The following TMEM168 variants were observed in gnomAD, a reference collection of about 807,000 sequenced individuals.
TMEM168 encodes the protein transmembrane protein 168.
Under a neutral mutation model 53.2 loss-of-function variants are expected in TMEM168, and 40 were observed. The ratio of observed to expected loss-of-function variants is 0.75; its 90% CI spans 0.58 to 0.98. The LOEUF (loss-of-function observed/expected upper bound fraction) is 0.98. Among genes scored for constraint, TMEM168 ranks in the 50% least tolerant of loss-of-function variants. The pLI, the probability that TMEM168 is intolerant of heterozygous loss-of-function variation, is 0.00. For synonymous variants in TMEM168, 282 were observed against 293.0 expected (o/e 0.96, Z 0.38); for missense variants, 771 against 828.8 (o/e 0.93, Z 0.86).
Position 112,772,839 on chromosome 7 carries a change from A to G in TMEM168, c.1488T>C (p.Asp496=). The G allele has an allele frequency of 3.1e-6, 5 of 1,614,072 alleles. No individual in the cohort carries two copies. Among genetic ancestry groups the G allele is most frequent in the Non-Finnish European group, 4.2e-6 (5 of 1,179,962 alleles). The change falls in exon 4 of 5, where the codon GAT becomes GAC. Residue 496 remains aspartate, a synonymous_variant. Coordinates refer to ENST00000312814, the MANE Select transcript of TMEM168 (RefSeq NM_022484.6). ...ELRTVDGPRH[D]TYILYYSGHT... ...GCCCACTGTAATACAAAATATACGT[A>G]TCATGTCTGGGTCCATCCACTGTCC...
At chr7:112,788,808 T>C (rs1333080862) in intron 1 of TMEM168, among the ~76,000 whole-genome samples, 1 of 152,242 alleles carries the variant, frequency 6.6e-6, no homozygotes, top group Admixed American at 6.5e-5. Flanking sequence ...ATTTTTTAAA[T>C]GTTTCTACTT....
At chr7:112,786,044 C>T (rs1192300135) in intron 1 of TMEM168, among the ~76,000 whole-genome samples, 2 of 152,058 alleles carry the variant, frequency 1.3e-5, no homozygotes, top group Non-Finnish European at 2.9e-5. Context: ...CCTGTCTCTA[C>T]TAAAAATACA....
chr7:112,777,908 G>C (rs1027570859), intron 2 of TMEM168, among the ~76,000 whole-genome samples: 6 of 104,540 alleles, frequency 5.7e-5, no homozygotes, highest in African/African-American at 1.9e-4. Flanking sequence ...GTGTGTGTGT[G>C]TGTGTGTGTG....
rs1165247253 is a variant in TMEM168, at chr7:112,764,209, A to G, written c.*2988T>C. 1 of 151,964 alleles carries G rather than the reference A, an allele frequency of 6.6e-6. No homozygotes were observed. The highest frequency in any genetic ancestry group is 2.4e-5 in the African/African-American group (1 of 41,450). The allele number at this position is 151,964 out of a possible 1,614,324, so 9.4% of individuals were successfully genotyped here. A position where few individuals can be genotyped will look rare whatever the true frequency, so the allele number is the denominator to read the frequency against. On this transcript the variant is annotated 3_prime_UTR_variant, in exon 5 of 5. Coordinates refer to ENST00000312814, the MANE Select transcript of TMEM168 (RefSeq NM_022484.6). ...GTTTTTTTTATTCTATTGAAAAAAA[A>G]GATGATGTTTTTAGAGCTAGTGGTT... is the stretch of plus-strand genomic sequence containing the variant.
rs1268752806 is a variant in TMEM168, at chr7:112,764,259, T to G, written c.*2938A>C. The G allele has an allele frequency of 6.6e-6, 1 of 151,994 alleles. No individual in the cohort carries two copies. The highest frequency in any genetic ancestry group is 1.5e-5 in the Non-Finnish European group (1 of 67,982). 9.4% of individuals were successfully genotyped at this position (151,994 alleles called of 1,614,324 possible). A position where few individuals can be genotyped will look rare whatever the true frequency, so the allele number is the denominator to read the frequency against. ...TTTGTGGTTTTAGCAAGGTATCACATGAGGAAACAAATACTAAACAAAGTT... is the reference window on the plus strand; with the variant it reads ...TTTGTGGTTTTAGCAAGGTATCACAGGAGGAAACAAATACTAAACAAAGTT... On this transcript the variant is annotated 3_prime_UTR_variant, in exon 5 of 5. Transcript: ENST00000312814.
At chr7:112,772,740 G>A (rs200273940) in intron 4 of TMEM168, 41 bp downstream of exon 4, 8 of 1,587,002 alleles carry the variant, frequency 5.0e-6, no homozygotes, top group Non-Finnish European at 6.9e-6. Context: ...ACATATACAT[G>A]TGTATCTTTA....
chr7:112,784,781 T>C lies in TMEM168; in HGVS notation c.45A>G (p.Leu15=), dbSNP rs780522003. 1.9e-6 allele frequency: 3 copies of C among 1,606,812 alleles called. No homozygotes were observed. The Admixed American group carries it at 5.1e-5, about 27-fold the overall frequency. ...TTACTTCTTCCAGTCTTGTCATTGC[T>C]AAATAGAGACAATGACTAAAGCAAT... ...LRYCFSHCLY[L]AMTRLEEVNR... The change falls in exon 2 of 5, where the codon TTA becomes TTG. Residue 15 remains leucine, a synonymous_variant. Transcript: ENST00000312814.
At chr7:112,789,577 T>C (rs1304096239) in intron 1 of TMEM168, among the ~76,000 whole-genome samples, 1 of 152,204 alleles carries the variant, frequency 6.6e-6, no homozygotes, top group African/African-American at 2.4e-5. Flanking sequence ...CACCAGTCTT[T>C]ACTTAATTCA....
At chr7:112,775,151 C>T in intron 3 of TMEM168, 25 bp downstream of exon 3, 3 of 1,542,334 alleles carry the variant, frequency 1.9e-6, no homozygotes, top group Non-Finnish European at 2.6e-6. Flanking sequence ...GAATAGTTAT[C>T]ACTAACTATA....
At chr7:112,772,446 G>C (rs1792951960) in intron 4 of TMEM168, among the ~76,000 whole-genome samples, 1 of 152,144 alleles carries the variant, frequency 6.6e-6, no homozygotes, top group African/African-American at 2.4e-5. Context: ...ACTGAAATCT[G>C]CATCCATAAC....
Position 112,767,354 on chromosome 7 carries a change from A to G in TMEM168, c.1937T>C (p.Ile646Thr), listed in dbSNP as rs1020641721. ...AKHWMLHFPRITYPLVHLANW... is the reference protein window; with the variant it reads ...AKHWMLHFPRTTYPLVHLANW... ...TGCCAAATGCACTAGGGGATATGTA[A>G]TACGAGGAAAGTGTAACATCCAGTG... The change falls in exon 5 of 5, where the codon ATT becomes ACT. Residue 646 changes from isoleucine (I) to threonine (T), a missense_variant. Coordinates refer to ENST00000312814, the MANE Select transcript of TMEM168 (RefSeq NM_022484.6). 6.2e-7 allele frequency: 1 copy of G among 1,614,204 alleles called. No individual in the cohort carries two copies. The highest frequency in any genetic ancestry group is 8.5e-7 in the Non-Finnish European group (1 of 1,180,020).
intron 2 of TMEM168, among the ~76,000 whole-genome samples, chr7:112,780,694 A>G (rs1030815671): frequency 3.9e-5 from 6 of 152,172 alleles, no homozygotes; most frequent in African/African-American, 1.2e-4. Context: ...ATTGTACTCT[A>G]GCCCACACTG....
intron 4 of TMEM168, among the ~76,000 whole-genome samples, chr7:112,769,374 T>C (rs1273137099): frequency 6.6e-6 from 1 of 152,206 alleles, no homozygotes; most frequent in Non-Finnish European, 1.5e-5. Flanking sequence ...TAACTCTCCA[T>C]TATTGTCAGC....
Position 112,767,136 on chromosome 7 carries a change from T to C in TMEM168, c.*61A>G, listed in dbSNP as rs1194014256. 1 of 1,487,922 alleles carries C rather than the reference T, an allele frequency of 6.7e-7. No homozygotes were observed. Among genetic ancestry groups the C allele is most frequent in the Non-Finnish European group, 9.0e-7 (1 of 1,106,352 alleles). The allele number at this position is 1,487,922 out of a possible 1,614,324, so 92.2% of individuals were successfully genotyped here. A position where few individuals can be genotyped will look rare whatever the true frequency, so the allele number is the denominator to read the frequency against. On this transcript the variant is annotated 3_prime_UTR_variant, in exon 5 of 5. Transcript: ENST00000312814. The stretch of plus-strand genomic sequence containing the variant: ...AAATAAAAATACAGCATACAAAAAA[T>C]GGCAAGTTAGTGATAATTGGTAGTA...
At chr7:112,769,879 G>C (rs1265741406) in intron 4 of TMEM168, among the ~76,000 whole-genome samples, 1 of 152,042 alleles carries the variant, frequency 6.6e-6, no homozygotes, top group East Asian at 1.9e-4. Flanking sequence ...AATATAAGAA[G>C]ACTACATATT....
chr7:112,767,615 A>G lies in TMEM168; in HGVS notation c.1676T>C (p.Ile559Thr). 1 of 1,614,036 alleles carries G rather than the reference A, an allele frequency of 6.2e-7. No homozygotes were observed. The highest frequency in any genetic ancestry group is 8.5e-7 in the Non-Finnish European group (1 of 1,179,984). ...STPWVKEVRK[I>T]NDQYIAVQGA... is the part of the protein sequence containing the mutation. ...TTGCACTGCAATATACTGGTCATTA[A>G]TTTTCCTCACTTCTTTCACCCAAGG... Residue 559 changes from isoleucine (I) to threonine (T), a missense_variant, in exon 5 of 5, where the codon ATT (isoleucine) becomes ACT (threonine). Ile to Thr is a moderately conservative substitution (Grantham distance 89, BLOSUM62 -1). Coordinates refer to ENST00000312814, the MANE Select transcript of TMEM168 (RefSeq NM_022484.6).
rs1452909644 is a variant in TMEM168 at position 112,766,554 on chromosome 7, C to G, written c.*643G>C. ...CGCATGGAAGAGCAACTTGTAGGCT[C>G]TAGCCTTTTAACAATACCTACATAA... On this transcript the variant is annotated 3_prime_UTR_variant, in exon 5 of 5. Transcript: ENST00000312814. 6.6e-6 allele frequency: 1 copy of G among 152,632 alleles called. No homozygotes were observed. Among genetic ancestry groups the G allele is most frequent in the Non-Finnish European group, 1.5e-5 (1 of 68,058 alleles). The allele number at this position is 152,632 out of a possible 1,614,324, so 9.5% of individuals were successfully genotyped here. A position where few individuals can be genotyped will look rare whatever the true frequency, so the allele number is the denominator to read the frequency against.
chr7:112,774,007 T>C (rs772055541), intron 3 of TMEM168, among the ~76,000 whole-genome samples: 1 of 152,228 alleles, frequency 6.6e-6, no homozygotes, highest in Non-Finnish European at 1.5e-5. Context: ...CAACTTTGTA[T>C]TAAGTCTTTA....
At position 112,767,737 on chromosome 7, in the gene TMEM168, A is replaced by G. The variant is rs1412322912; in HGVS notation, c.1554T>C (p.Asp518=). The change falls in exon 5 of 5, where the codon GAT becomes GAC. Residue 518 remains aspartate (D), a synonymous_variant. Transcript: ENST00000312814. ...GTGEWALAGG[D]TLRLDTLIEW... is the part of the protein sequence containing the mutation. Reference sequence around the variant, plus strand: ...CTATAAGTGTGTCAAGGCGTAGTGTATCTCCACCTGTGAACAAGAGAAAAT... The same window carrying G: ...CTATAAGTGTGTCAAGGCGTAGTGTGTCTCCACCTGTGAACAAGAGAAAAT... 1 of 1,604,096 alleles carries G rather than the reference A, an allele frequency of 6.2e-7. No homozygotes were observed. Among genetic ancestry groups the G allele is most frequent in the African/African-American group, 1.3e-5 (1 of 74,534 alleles).
Sources: allele counts gnomAD v4.1 joint callset (sites outside exome capture counted in the v4.1 genomes callset), GRCh38; gene constraint gnomAD v4.1.1; transcripts MANE v1.5; gene names NCBI Gene and HGNC (gene_info 2026-07-23, HGNC 2026-07-21).